The following ABCC8 variants were observed in gnomAD, a reference collection of about 807,000 sequenced individuals.
ABCC8 encodes the protein ATP-binding cassette sub-family C member 8.
In ABCC8, 137 loss-of-function variants were observed where a neutral mutation model predicts 188.0. The ratio of observed to expected loss-of-function variants is 0.73; its 90% CI spans 0.63 to 0.84. ABCC8 has a LOEUF of 0.84. Ranked by LOEUF, ABCC8 falls within the 40% of genes least tolerant of loss-of-function variation. The pLI is 0.00. For synonymous variants in ABCC8, 797 were observed against 846.5 expected, an observed-to-expected ratio of 0.94 and a Z score of 1.01; for missense variants, 1,750 against 2,072.7, an observed-to-expected ratio of 0.84 and a Z score of 3.02.
chr11:17,454,228 T>C (rs1460397909), intron 6 of ABCC8, among the ~76,000 whole-genome samples: 2 of 152,094 alleles, frequency 1.3e-5, no homozygotes, highest in Non-Finnish European at 2.9e-5. Flanking sequence ...GGGCCCAGGC[T>C]CTCATTGGAG....
At chr11:17,476,329 C>T (rs1848773125) in intron 1 of ABCC8, among the ~76,000 whole-genome samples, 1 of 152,218 alleles carries the variant, frequency 6.6e-6, no homozygotes, top group Non-Finnish European at 1.5e-5. Flanking sequence ...CGTGCTGAGA[C>T]CTCCTCTTTC....
At chr11:17,443,603 T>C (rs963789761) in intron 8 of ABCC8, among the ~76,000 whole-genome samples, 1 of 152,336 alleles carries the variant, frequency 6.6e-6, no homozygotes, top group South Asian at 2.1e-4. Flanking sequence ...ATTTTCCAGA[T>C]GGAAATCTCA....
intron 16 of ABCC8, among the ~76,000 whole-genome samples, chr11:17,422,231 A>G (rs1442146490): frequency 6.6e-6 from 1 of 152,202 alleles, no homozygotes; most frequent in African/African-American, 2.4e-5. Context: ...TGAGAGACAA[A>G]CAGCAGATGA....
At chr11:17,405,432 G>A (rs1954467813) in intron 27 of ABCC8, 62 bp downstream of exon 27, 1 of 1,611,734 alleles carries the variant, frequency 6.2e-7, no homozygotes, top group South Asian at 1.1e-5. Context: ...TCAGACAGGA[G>A]AAGCCCCCAG....
chr11:17,396,695 G>C, intron 33 of ABCC8: 1 of 600,450 alleles, frequency 1.7e-6, no homozygotes, highest in Non-Finnish European at 2.9e-6. Flanking sequence ...CTTGGTGGAT[G>C]AGTGAGAAGA....
chr11:17,412,646 C>G lies in ABCC8; in HGVS notation c.2556+20G>C, dbSNP rs1469688942. The G allele has an allele frequency of 6.2e-7, 1 of 1,606,098 alleles. No homozygotes were observed. Among genetic ancestry groups the G allele is most frequent in the Non-Finnish European group, 8.5e-7 (1 of 1,176,346 alleles). ...TGGGAGGCAGCCAGAGACCAGGACC[C>G]CAAGGGAACTTGCACTCACCAAGAA... is the stretch of plus-strand genomic sequence containing the variant. On this transcript the variant is annotated intron_variant, in intron 21 of 38. Coordinates refer to ENST00000389817, the MANE Select transcript of ABCC8 (RefSeq NM_000352.6).
Position 17,427,235 on chromosome 11 carries a change from T to G in ABCC8, c.2117-81A>C. On this transcript the variant is annotated intron_variant, in intron 15 of 38. Transcript: ENST00000389817. The surrounding 1 kb of genome is among the most constrained non-coding windows in gnomAD (Gnocchi z 5.0). ...TTACCCAGAAAGACAGACAGACAGA[T>G]GCACCCAACCCTGGGGCCCCTGTTT... is the stretch of plus-strand genomic sequence containing the variant. The G allele has an allele frequency of 6.9e-7, 1 of 1,452,868 alleles. No individual in the cohort carries two copies. The highest frequency in any genetic ancestry group is 9.1e-7 in the Non-Finnish European group (1 of 1,099,572). The allele number at this position is 1,452,868 out of a possible 1,614,324, so 90.0% of individuals were successfully genotyped here. A position where few individuals can be genotyped will look rare whatever the true frequency, so the allele number is the denominator to read the frequency against.
chr11:17,427,089 C>A lies in ABCC8; in HGVS notation c.2182G>T (p.Gly728Trp). Reference sequence around the variant, plus strand: ...GCCCCTGAGACCTTCTGCATCTCCCCCAGTGCGGCTAGAAGGAGCGAGGAC... The same window carrying A: ...GCCCCTGAGACCTTCTGCATCTCCCACAGTGCGGCTAGAAGGAGCGAGGAC... ...GKSSLLLAAL[G>W]EMQKVSGAVF... The change falls in exon 16 of 39, where the codon GGG becomes TGG. Residue 728 changes from glycine (G) to tryptophan (W), a missense_variant. By Grantham distance (184) the Gly-to-Trp change is radical. Coordinates refer to ENST00000389817, the MANE Select transcript of ABCC8 (RefSeq NM_000352.6). The surrounding 1 kb of genome is among the most constrained non-coding windows in gnomAD (Gnocchi z 5.0). 6.2e-7 allele frequency: 1 copy of A among 1,614,008 alleles called. No individual in the cohort carries two copies. The highest frequency in any genetic ancestry group is 8.5e-7 in the Non-Finnish European group (1 of 1,179,960).
At chr11:17,461,000 C>T (rs1002646261) in intron 5 of ABCC8, 6 of 420,026 alleles carry the variant, frequency 1.4e-5, no homozygotes, top group African/African-American at 4.0e-5. Flanking sequence ...CACCTGCCAC[C>T]GTGTCTGCCT....
chr11:17,409,202 C>A (rs1406059830), intron 22 of ABCC8, among the ~76,000 whole-genome samples: 1 of 152,056 alleles, frequency 6.6e-6, no homozygotes, highest in African/African-American at 2.4e-5. Flanking sequence ...AGCAATCCAC[C>A]CGCCTTGGCC....
At chr11:17,402,837 G>A (rs755441548) in intron 28 of ABCC8, 84 bp from the exon 29 acceptor site, 17 of 1,522,458 alleles carry the variant, frequency 1.1e-5, no homozygotes, top group South Asian at 3.4e-5. Flanking sequence ...ACCTGCTACC[G>A]CTGTGTGGGT....
chr11:17,433,840 A>G (rs1279679433), intron 10 of ABCC8, among the ~76,000 whole-genome samples: 2 of 152,176 alleles, frequency 1.3e-5, no homozygotes, highest in Non-Finnish European at 2.9e-5. Flanking sequence ...CTTTTAATCA[A>G]TACCAACATC....
rs1954426878 is a variant in ABCC8 at position 17,404,660 on chromosome 11, A to T, written c.3409T>A (p.Ser1137Thr). The change falls in exon 28 of 39, where the codon TCC becomes ACC. Residue 1137 changes from serine to threonine, a missense_variant. Transcript: ENST00000389817. The surrounding 1 kb of genome is among the most constrained non-coding windows in gnomAD (Gnocchi z 4.7). ...DCNTIDQHIP[S>T]TLECLSRSTL... Reference sequence around the variant, plus strand: ...GAGCGGCTCAGGCACTCCAGCGTGGATGGGATGTGCTGAGGGAGACGAGGG... The same window carrying T: ...GAGCGGCTCAGGCACTCCAGCGTGGTTGGGATGTGCTGAGGGAGACGAGGG... 1 of 1,609,292 alleles carries T rather than the reference A, an allele frequency of 6.2e-7. No homozygotes were observed. Among genetic ancestry groups the T allele is most frequent in the East Asian group, 2.2e-5 (1 of 44,714 alleles).
chr11:17,393,023 C>T lies in ABCC8; in HGVS notation c.4714G>A (p.Val1572Ile), dbSNP rs8192690. Reference protein sequence around the residue: ...PEKLLSRKDSVFASFVRADK With the variant: ...PEKLLSRKDSIFASFVRADK ...TCTGCACGGACGAAGGAGGCGAAGA[C>T]GCTGTCCTTCCGGCTGAGCAGCTTC... Residue 1572 changes from valine to isoleucine, a missense_variant, in exon 39 of 39, where the codon GTC (valine) becomes ATC (isoleucine). By Grantham distance (29) the Val-to-Ile change is conservative (BLOSUM62 3). Coordinates refer to ENST00000389817, the MANE Select transcript of ABCC8 (RefSeq NM_000352.6). 92,823 of 1,614,124 alleles carry T rather than the reference C, an allele frequency of 0.058. 3,148 individuals carry two copies. The highest frequency in any genetic ancestry group is 0.1 in the Middle Eastern group (612 of 6,062).
intron 17 of ABCC8, 27 bp downstream of exon 17, chr11:17,416,903 A>G (rs1280767802): frequency 1.3e-6 from 2 of 1,596,950 alleles, no homozygotes; most frequent in Admixed American, 1.7e-5. Context: ...GTTGAGACCC[A>G]CTTCTGACCC....
intron 2 of ABCC8, among the ~76,000 whole-genome samples, chr11:17,473,249 G>A (rs1488531274): frequency 6.6e-6 from 1 of 151,938 alleles, no homozygotes; most frequent in Non-Finnish European, 1.5e-5. Context: ...TGGCATTTGT[G>A]CTACTTTGGA....
chr11:17,392,866 C>T (rs1953697564), downstream of ABCC8: 3 of 1,234,496 alleles, frequency 2.4e-6, no homozygotes, highest in African/African-American at 1.5e-5. Context: ...CCCCTGCCCA[C>T]CAGACTTAGG....
rs191360866 is a variant in ABCC8, at chr11:17,421,373, G to A, written c.2223-4411C>T. Among the ~76,000 whole-genome samples the A allele has an allele frequency of 4.1e-4, 63 of 152,312 alleles. 1 individual carries two copies. Among genetic ancestry groups the A allele is most frequent in the Admixed American group, 2.7e-3 (42 of 15,288 alleles). On this transcript the variant is annotated intron_variant, in intron 16 of 38. Coordinates refer to ENST00000389817, the MANE Select transcript of ABCC8 (RefSeq NM_000352.6). ...GAAATACTGGGTTAGGAAACAGCTC[G>A]GACAAAGGCATGTGGAAAGGAGAGA...
chr11:17,395,257 C>A lies in ABCC8; in HGVS notation c.4326G>T (p.Glu1442Asp). 1 of 1,595,178 alleles carries A rather than the reference C, an allele frequency of 6.3e-7. No individual in the cohort carries two copies. The highest frequency in any genetic ancestry group is 2.3e-5 in the East Asian group (1 of 44,404). The part of the protein sequence containing the change: ...SGTIRFNLDP[E>D]RKCSDSTLWE... ...ACAGTGTGCTATCTGAGCACTTCCT[C>A]TCAGGGTCCAGGTTAAATCTGGAAG... Residue 1442 changes from glutamate (E) to aspartate (D), a missense_variant, in exon 36 of 39, where the codon GAG becomes GAT. Glu to Asp is a conservative substitution (Grantham distance 45, BLOSUM62 2). Transcript: ENST00000389817.
Sources: allele counts gnomAD v4.1 joint callset (sites outside exome capture counted in the v4.1 genomes callset), GRCh38; gene constraint gnomAD v4.1.1; non-coding constraint Gnocchi (gnomAD v3.1); transcripts MANE v1.5; gene names NCBI Gene and HGNC (gene_info 2026-07-23, HGNC 2026-07-21).